MPPED2: variants seen among roughly 807,000 people sequenced by gnomAD.
The protein encoded by MPPED2 is metallophosphoesterase MPPED2.
MPPED2 carries 5 observed loss-of-function variants against 33.0 expected under a neutral mutation model. That is an observed-to-expected ratio of 0.15 (90% confidence interval 0.08 to 0.32). MPPED2 has a LOEUF of 0.32. MPPED2 is among the 10% of genes least tolerant of loss of function. MPPED2 has a pLI of 1.00. For missense variants in MPPED2, 275 were observed against 372.1 expected, an observed-to-expected ratio of 0.74 and a Z score of 2.15; for synonymous variants, 136 against 141.9, an observed-to-expected ratio of 0.96 and a Z score of 0.29.
chr11:30,408,128 A>G (rs987136326), downstream of MPPED2, among the ~76,000 whole-genome samples: 9 of 152,196 alleles, frequency 5.9e-5, no homozygotes, highest in African/African-American at 2.2e-4. Flanking sequence ...AATCAGCACT[A>G]GTCCGAGGTG....
chr11:30,554,142 A>C (rs1368217170), intron 2 of MPPED2, among the ~76,000 whole-genome samples: 1 of 152,138 alleles, frequency 6.6e-6, no homozygotes. Flanking sequence ...CCCTCATGTC[A>C]ATCCCCTACA....
At chr11:30,510,791 G>C (rs1953129594) in intron 3 of MPPED2, among the ~76,000 whole-genome samples, 1 of 152,154 alleles carries the variant, frequency 6.6e-6, no homozygotes, top group Admixed American at 6.5e-5. Context: ...TAAAAAGAAG[G>C]TATTTTTGCA....
intron 2 of MPPED2, among the ~76,000 whole-genome samples, chr11:30,549,778 A>G (rs1454565527): frequency 3.3e-5 from 5 of 152,142 alleles, no homozygotes; most frequent in African/African-American, 1.2e-4. Context: ...TTCCTCATGA[A>G]GAGGTGCACA....
intron 4 of MPPED2, among the ~76,000 whole-genome samples, chr11:30,461,518 C>T (rs1950516955): frequency 6.6e-6 from 1 of 152,114 alleles, no homozygotes; most frequent in South Asian, 2.1e-4. Context: ...TCTACCCTTG[C>T]TCGAGTGGAA....
At chr11:30,417,184 T>C (rs923365582) in intron 5 of MPPED2, among the ~76,000 whole-genome samples, 1 of 152,172 alleles carries the variant, frequency 6.6e-6, no homozygotes, top group Non-Finnish European at 1.5e-5. Flanking sequence ...GAGGTCCGAA[T>C]CTTCCTTCCT....
intron 4 of MPPED2, among the ~76,000 whole-genome samples, chr11:30,430,270 G>A (rs1169464020): frequency 3.3e-5 from 5 of 152,006 alleles, no homozygotes; most frequent in Non-Finnish European, 7.4e-5. Context: ...CTGAGCACCC[G>A]AGATGTAGCT....
At chr11:30,447,554 T>C (rs1229941760) in intron 4 of MPPED2, among the ~76,000 whole-genome samples, 2 of 151,872 alleles carry the variant, frequency 1.3e-5, no homozygotes, top group South Asian at 2.1e-4. Flanking sequence ...GGTGATAAAG[T>C]GTGGGGTGTC....
chr11:30,549,739 G>T (rs1157391755), intron 2 of MPPED2, among the ~76,000 whole-genome samples: 4 of 152,144 alleles, frequency 2.6e-5, no homozygotes, highest in African/African-American at 9.7e-5. Flanking sequence ...GTCTCTGGAG[G>T]TTCTGCCCTG....
At chr11:30,476,691 AT>A (rs561796388) in intron 4 of MPPED2, among the ~76,000 whole-genome samples, 1 of 151,240 alleles carries the variant, frequency 6.6e-6, no homozygotes, top group Non-Finnish European at 1.5e-5. Flanking sequence ...ATCAACTTTT[AT>A]TTTTTTATAC....
intron 2 of MPPED2, among the ~76,000 whole-genome samples, chr11:30,579,788 T>C (rs1180950952): frequency 6.6e-6 from 1 of 151,764 alleles, no homozygotes; most frequent in Non-Finnish European, 1.5e-5. Context: ...TTAGGCCTAT[T>C]TCCCAGCTGA....
intron 3 of MPPED2, among the ~76,000 whole-genome samples, chr11:30,505,182 G>A (rs141345973): frequency 3.4e-4 from 52 of 152,264 alleles, no homozygotes; most frequent in African/African-American, 1.1e-3. Context: ...TTTAGACCAC[G>A]AAAACTGCCC....
intron 6 of MPPED2, among the ~76,000 whole-genome samples, chr11:30,391,183 G>A (rs535520978): frequency 6.6e-6 from 1 of 152,268 alleles, no homozygotes; most frequent in East Asian, 1.9e-4. Flanking sequence ...TGAACTGCAG[G>A]CCCAGTGGCT....
chr11:30,429,547 C>T (rs1244365090), intron 4 of MPPED2, among the ~76,000 whole-genome samples: 2 of 152,160 alleles, frequency 1.3e-5, no homozygotes, highest in East Asian at 1.9e-4. Flanking sequence ...CACACAGACC[C>T]GGTGTCTCCC....
intron 2 of MPPED2, among the ~76,000 whole-genome samples, chr11:30,563,495 A>C (rs1178539251): frequency 6.6e-6 from 1 of 152,168 alleles, no homozygotes; most frequent in Non-Finnish European, 1.5e-5. Flanking sequence ...ACTTAGTGCC[A>C]AAAAATGAGA....
intron 4 of MPPED2, among the ~76,000 whole-genome samples, chr11:30,457,747 C>T (rs1950340009): frequency 6.6e-6 from 1 of 152,132 alleles, no homozygotes; most frequent in African/African-American, 2.4e-5. Context: ...CTTTCAAGTA[C>T]ACTGCAAAAA....
At chr11:30,490,365 A>G (rs1951923265) in intron 4 of MPPED2, among the ~76,000 whole-genome samples, 1 of 152,222 alleles carries the variant, frequency 6.6e-6, no homozygotes, top group Admixed American at 6.5e-5. Flanking sequence ...GGAGAAGTGA[A>G]GCAAATCTGT....
At chr11:30,454,799 G>A (rs1210587359) in intron 4 of MPPED2, among the ~76,000 whole-genome samples, 1 of 152,114 alleles carries the variant, frequency 6.6e-6, no homozygotes, top group Non-Finnish European at 1.5e-5. Context: ...GCCAGATTCT[G>A]AAGACCAAAG....
intron 6 of MPPED2, chr11:30,388,964 GGAGAGAGAGAAAGA>G: frequency 6.4e-7 from 1 of 1,556,158 alleles, no homozygotes; most frequent in Non-Finnish European, 8.7e-7. Flanking sequence ...TTACTAAAGG[GGAGAGAGAGAAAGA>G]GAGAGGGAGA....
intron 4 of MPPED2, among the ~76,000 whole-genome samples, chr11:30,447,475 A>G (rs563114264): frequency 1.3e-5 from 2 of 152,292 alleles, no homozygotes; most frequent in Admixed American, 1.3e-4. Flanking sequence ...GGACCAGAAA[A>G]TATGGCTTTG....
Sources: allele counts gnomAD v4.1 joint callset (sites outside exome capture counted in the v4.1 genomes callset), GRCh38; gene constraint gnomAD v4.1.1; transcripts MANE v1.5; gene names NCBI Gene and HGNC (gene_info 2026-07-23, HGNC 2026-07-21).